Variants in XPO6 observed in about 807,000 individuals in gnomAD.
XPO6 encodes the protein exportin 6, also known as exportin-6.
Under a neutral mutation model 130.0 loss-of-function variants are expected in XPO6, and 3 were observed. The observed-to-expected ratio is 0.02, with a 90% CI of 0.01 to 0.06. The LOEUF is 0.06. Ranked by LOEUF, XPO6 falls within the 10% of genes least tolerant of loss-of-function variation. The probability of loss-of-function intolerance (pLI) is 1.00; values close to 1 mark genes in which losing one functional copy is unlikely to be tolerated. For synonymous variants in XPO6, 524 were observed against 548.9 expected (o/e 0.95, Z 0.63); for missense variants, 970 against 1,393.0 (o/e 0.70, Z 4.83).
At position 28,164,664 on chromosome 16, in the gene XPO6, T is replaced by A. The variant is rs1271623440; in HGVS notation, c.643+1844A>T. On this transcript the variant is annotated intron_variant, in intron 6 of 23. Transcript: ENST00000304658. ...TACAAGCAAATGTCAAGTTAGTTCA[T>A]ATTTTATTCCGCTTAGCCGCATAAA... Among the ~76,000 whole-genome samples the A allele has an allele frequency of 2.0e-5, 3 of 152,368 alleles. No homozygotes were observed. In the East Asian group the frequency reaches 5.8e-4, roughly 29 times the overall value.
chr16:28,138,421 T>C (rs1180851632), intron 9 of XPO6, among the ~76,000 whole-genome samples: 3 of 151,968 alleles, frequency 2.0e-5, no homozygotes, highest in African/African-American at 7.3e-5. Flanking sequence ...AACCCTAAAT[T>C]AGACCTAAAA....
intron 9 of XPO6, among the ~76,000 whole-genome samples, chr16:28,143,590 T>C (rs779038255): frequency 1.3e-5 from 2 of 152,210 alleles, no homozygotes; most frequent in Non-Finnish European, 2.9e-5. Context: ...AATAATCTGC[T>C]AGTATATATT....
At chr16:28,184,491 C>T (rs1226628681) in intron 1 of XPO6, among the ~76,000 whole-genome samples, 3 of 151,538 alleles carry the variant, frequency 2.0e-5, no homozygotes. Context: ...AAATGTTCAT[C>T]AGATGGCACA....
intron 1 of XPO6, among the ~76,000 whole-genome samples, chr16:28,206,433 G>A (rs978342465): frequency 2.0e-5 from 3 of 152,128 alleles, no homozygotes; most frequent in African/African-American, 7.2e-5. Context: ...TGTAGTCTCA[G>A]CTACTGAGGA....
In XPO6 at chr16:28,105,750, C is replaced by A. The variant is rs554473915; in HGVS notation, c.2784+293G>T. 1.2e-4 allele frequency: 39 copies of A among 334,712 alleles called. 2 individuals are homozygous for A. In the South Asian group the frequency reaches 2.6e-3, roughly 22 times the overall value. The allele number at this position is 334,712 out of a possible 1,614,324, so 20.7% of individuals were successfully genotyped here. ...GAAAGTACATATGTTAGAATGTTTG[C>A]TATAGAAAACCAGAGTCTCTTAAAG... On this transcript the variant is annotated intron_variant, in intron 20 of 23. Transcript: ENST00000304658.
Position 28,101,205 on chromosome 16 carries a change from A to T in XPO6, c.3276+253T>A. The T allele has an allele frequency of 1.8e-6, 1 of 565,548 alleles. No individual in the cohort carries two copies. The highest frequency in any genetic ancestry group is 3.2e-6 in the Non-Finnish European group (1 of 313,060). 35.0% of individuals were successfully genotyped at this position (565,548 alleles called of 1,614,324 possible). On this transcript the variant is annotated intron_variant, in intron 23 of 23. Transcript: ENST00000304658. The surrounding 1 kb of genome is among the most constrained non-coding windows in gnomAD (Gnocchi z 5.4). ...GCCAAGACAAATGGAGGGGCTGCAG[A>T]GCCAGGAACTCGGGACCTCCATGGC...
chr16:28,132,503 G>C lies in XPO6; in HGVS notation c.1537-100C>G. The C allele has an allele frequency of 1.3e-6, 1 of 789,682 alleles. No homozygotes were observed. The highest frequency in any genetic ancestry group is 1.8e-5 in the South Asian group (1 of 56,330). The allele number at this position is 789,682 out of a possible 1,614,324, so 48.9% of individuals were successfully genotyped here. A position where few individuals can be genotyped will look rare whatever the true frequency, so the allele number is the denominator to read the frequency against. On this transcript the variant is annotated intron_variant, in intron 11 of 23. Coordinates refer to ENST00000304658, the MANE Select transcript of XPO6 (RefSeq NM_015171.4). This position sits in a 1 kb window ranked among gnomAD's most constrained non-coding sequence, Gnocchi z 4.0. ...ACATTAACACGTAACTATGGTGTGA[G>C]GAACAGGATCAAAACCTTTTCTCTG...
intron 3 of XPO6, among the ~76,000 whole-genome samples, chr16:28,176,374 G>A (rs1259567116): frequency 6.6e-6 from 1 of 152,124 alleles, no homozygotes; most frequent in African/African-American, 2.4e-5. Context: ...AATGACAGAA[G>A]CAACTTCAAT....
chr16:28,138,561 G>A (rs1008342254), intron 9 of XPO6, among the ~76,000 whole-genome samples: 3 of 152,126 alleles, frequency 2.0e-5, no homozygotes, highest in Non-Finnish European at 4.4e-5. Context: ...GGGAGGTGGA[G>A]AAAGTATATG....
intron 13 of XPO6, among the ~76,000 whole-genome samples, chr16:28,123,576 G>C (rs1034519117): frequency 5.3e-5 from 8 of 152,184 alleles, no homozygotes; most frequent in Non-Finnish European, 1.0e-4. Flanking sequence ...ACTTGTATTT[G>C]TATTTCTGAT....
intron 6 of XPO6, among the ~76,000 whole-genome samples, chr16:28,158,163 A>C (rs1191686711): frequency 6.6e-6 from 1 of 152,204 alleles, no homozygotes; most frequent in Non-Finnish European, 1.5e-5. Flanking sequence ...CATGGACACA[A>C]AACAGTAAGT....
rs181384623 is a variant in XPO6 at position 28,182,127 on chromosome 16, T to C, written c.4-1096A>G. Among the ~76,000 whole-genome samples the C allele has an allele frequency of 3.1e-3, 467 of 152,276 alleles. 2 individuals are homozygous for C. The highest frequency in any genetic ancestry group is 6.8e-3 in the Middle Eastern group (2 of 294). On this transcript the variant is annotated intron_variant, in intron 1 of 23. Transcript: ENST00000304658. The stretch of plus-strand genomic sequence containing the variant: ...GATTATTTAATTATCTCTTAACTTC[T>C]TTCTTCCCACCTATCTCCCTTCCCC...
At chr16:28,147,626 G>C (rs2043008488) in intron 8 of XPO6, among the ~76,000 whole-genome samples, 4 of 152,026 alleles carry the variant, frequency 2.6e-5, no homozygotes. Context: ...AGAATAACCA[G>C]GAAAAACAAT....
intron 17 of XPO6, among the ~76,000 whole-genome samples, chr16:28,109,307 T>A (rs1567594040): frequency 6.6e-6 from 1 of 151,566 alleles, no homozygotes. Context: ...TTTTCTTTTT[T>A]TTTTTTTTGT....
At chr16:28,160,184 TAAAAAAAAAAAA>T (rs56947792) in intron 6 of XPO6, among the ~76,000 whole-genome samples, 2 of 76,128 alleles carry the variant, frequency 2.6e-5, no homozygotes, top group African/African-American at 1.2e-4. Context: ...GCCTCCGTCT[TAAAAAAAAAAAA>T]AAAAAAAAAA....
chr16:28,200,934 A>G (rs895391708), intron 1 of XPO6, among the ~76,000 whole-genome samples: 2 of 151,774 alleles, frequency 1.3e-5, no homozygotes, highest in African/African-American at 2.4e-5. Context: ...TGAAACACAG[A>G]CCTTTTCTCT....
chr16:28,189,302 C>T (rs2043748102), intron 1 of XPO6, among the ~76,000 whole-genome samples: 1 of 149,416 alleles, frequency 6.7e-6, no homozygotes, highest in African/African-American at 2.5e-5. Flanking sequence ...GGAAATCTCA[C>T]TTTATTCCTC....
chr16:28,134,156 T>C (rs1350430154), intron 10 of XPO6, among the ~76,000 whole-genome samples: 1 of 152,216 alleles, frequency 6.6e-6, no homozygotes, highest in African/African-American at 2.4e-5. Flanking sequence ...GAATAAGCTA[T>C]TTTCCCCCCT....
chr16:28,110,178 C>T (rs963602493), intron 17 of XPO6, among the ~76,000 whole-genome samples: 5 of 152,114 alleles, frequency 3.3e-5, no homozygotes, highest in Non-Finnish European at 7.3e-5. Context: ...CATGAAATAA[C>T]GTATACAAAG....
Sources: allele counts gnomAD v4.1 joint callset (sites outside exome capture counted in the v4.1 genomes callset), GRCh38; gene constraint gnomAD v4.1.1; non-coding constraint Gnocchi (gnomAD v3.1); transcripts MANE v1.5; gene names NCBI Gene and HGNC (gene_info 2026-07-23, HGNC 2026-07-21).